Variants in AASS observed in about 807,000 individuals in gnomAD.
AASS encodes alpha-aminoadipic semialdehyde synthase, mitochondrial.
AASS carries 86 observed loss-of-function variants against 105.4 expected under a neutral mutation model. The observed-to-expected ratio is 0.82, with a 90% CI of 0.69 to 0.98. The LOEUF (loss-of-function observed/expected upper bound fraction) is 0.98, where lower values mean the gene tolerates loss of function less well. AASS is among the 50% of genes least tolerant of loss of function. The pLI, the probability that AASS is intolerant of heterozygous loss-of-function variation, is 0.00. For synonymous variants in AASS, 381 were observed against 394.8 expected (o/e 0.96, Z 0.41); for missense variants, 1,048 against 1,143.2 (o/e 0.92, Z 1.20).
Position 122,092,940 on chromosome 7 carries a change from G to C in AASS, c.1778C>G (p.Ala593Gly). Residue 593 changes from alanine (A) to glycine (G), a missense_variant, in exon 17 of 24, where the codon GCT (alanine) becomes GGT (glycine). Physicochemically the swap from Ala to Gly is moderately conservative, Grantham distance 60. Coordinates refer to ENST00000417368, the MANE Select transcript of AASS (RefSeq NM_005763.4). ...LKELEKSVED[A>G]GITIIGELGL... ...CAATTCACCAATGATTGTGATGCCA[G>C]CATCTTCCACACTGCAGCAGGTGGA... The C allele has an allele frequency of 6.2e-7, 1 of 1,613,816 alleles. No individual in the cohort carries two copies. The highest frequency in any genetic ancestry group is 8.5e-7 in the Non-Finnish European group (1 of 1,179,818).
Position 122,073,845 on chromosome 7 carries a change from A to T in AASS, c.*2644T>A, listed in dbSNP as rs900249538. Among the ~76,000 whole-genome samples the T allele has an allele frequency of 4.6e-5, 7 of 152,162 alleles. No individual in the cohort carries two copies. The highest frequency in any genetic ancestry group is 1.7e-4 in the African/African-American group (7 of 41,440). On this transcript the variant is annotated 3_prime_UTR_variant, in exon 24 of 24. Coordinates refer to ENST00000417368, the MANE Select transcript of AASS (RefSeq NM_005763.4). The stretch of plus-strand genomic sequence containing the variant: ...GAAATCATATAATATGTGGCCTTTC[A>T]TGTCTGGCATTCTTCACTTGATATG...
At chr7:122,080,688 T>A (rs1454804309) in intron 20 of AASS, among the ~76,000 whole-genome samples, 1 of 152,236 alleles carries the variant, frequency 6.6e-6, no homozygotes, top group Admixed American at 6.5e-5. Flanking sequence ...GGGGTTATTA[T>A]ACATTGCATG....
rs147841329 is a variant in AASS, at chr7:122,104,695, T to C, written c.1279-3015A>G. ...TAGGAACAGAAAACCAAATACCACA[T>C]GTTCTCAGTTATAAGTGGGAGCTAA... On this transcript the variant is annotated intron_variant, in intron 11 of 23. Transcript: ENST00000417368. 7.6e-3 allele frequency among the ~76,000 whole-genome samples: 1,160 copies of C among 152,210 alleles called. 11 individuals are homozygous for C. The highest frequency in any genetic ancestry group is 0.026 in the African/African-American group (1,092 of 41,544).
Position 122,118,359 on chromosome 7 carries a change from T to A in AASS, c.635A>T (p.Lys212Met). Residue 212 changes from lysine to methionine, a missense_variant, in exon 6 of 24, where the codon AAG becomes ATG. Transcript: ENST00000417368. ...GYEISLGLMP[K>M]SIGPLTFVFT... ...CACAAATGTTAAGGGTCCTATTGACTTAGGCATCAAACCCAAAGATATTTC... is the reference window on the plus strand; with the variant it reads ...CACAAATGTTAAGGGTCCTATTGACATAGGCATCAAACCCAAAGATATTTC... 6.2e-7 allele frequency: 1 copy of A among 1,614,188 alleles called. No homozygotes were observed.
intron 9 of AASS, 89 bp from the exon 10 acceptor site, chr7:122,113,809 A>T: frequency 6.9e-7 from 1 of 1,448,700 alleles, no homozygotes. Context: ...ACAATTTTCA[A>T]TGTGGATCCC....
At chr7:122,103,205 C>T (rs1424571990) in intron 11 of AASS, among the ~76,000 whole-genome samples, 1 of 151,880 alleles carries the variant, frequency 6.6e-6, no homozygotes, top group Admixed American at 6.6e-5. Flanking sequence ...ATATTAAAAG[C>T]AGCAAGATAA....
rs1365192989 is a variant in AASS, at chr7:122,113,630, C to T, written c.1134G>A (p.Met378Ile). The change falls in exon 10 of 24, where the codon ATG (methionine) becomes ATA (isoleucine). Residue 378 changes from methionine (M) to isoleucine (I), a missense_variant. By Grantham distance (10) the Met-to-Ile change is conservative. Coordinates refer to ENST00000417368, the MANE Select transcript of AASS (RefSeq NM_005763.4). ...GAATAATATGCTGGTCTGCATCATA[C>T]ATGCAAAAGGGATGCTCTATTGTTG... ...ECTTIEHPFC[M>I]YDADQHIIHD... 1 of 1,613,518 alleles carries T rather than the reference C, an allele frequency of 6.2e-7. No individual in the cohort carries two copies. Among genetic ancestry groups the T allele is most frequent in the African/African-American group, 1.3e-5 (1 of 74,880 alleles).
intron 11 of AASS, among the ~76,000 whole-genome samples, chr7:122,108,758 GA>G (rs1445450683): frequency 3.3e-5 from 5 of 151,810 alleles, no homozygotes; most frequent in Admixed American, 2.6e-4. Context: ...CTAAGATATG[GA>G]ACAAGAAAAG....
chr7:122,076,510 T>C lies in AASS; in HGVS notation c.2760A>G (p.Thr920=). 6.2e-7 allele frequency: 1 copy of C among 1,611,756 alleles called. No homozygotes were observed. The highest frequency in any genetic ancestry group is 8.5e-7 in the Non-Finnish European group (1 of 1,177,850). The change falls in exon 24 of 24, where the codon ACA becomes ACG. Residue 920 remains threonine, a synonymous_variant. Transcript: ENST00000417368. ...CCAATTATGGTTTAATTGTACTCTG[T>C]GTAGTATATATAATGCCTTCTGCTT... The part of the protein sequence containing the change: ...RIKAEGIIYT[T]QSTIKP
intron 1 of AASS, among the ~76,000 whole-genome samples, chr7:122,138,069 G>C (rs60785177): frequency 6.6e-6 from 1 of 152,302 alleles, no homozygotes; most frequent in South Asian, 2.1e-4. Flanking sequence ...AATTGTAACA[G>C]TCTTCCCTTT....
intron 11 of AASS, among the ~76,000 whole-genome samples, chr7:122,103,702 C>T (rs557886772): frequency 2.5e-3 from 377 of 151,694 alleles, no homozygotes; most frequent in Non-Finnish European, 3.4e-3. Flanking sequence ...AAAATTGTGA[C>T]ATCAAAAAAT....
In AASS at chr7:122,076,508, T is replaced by C. The variant is rs140285200; in HGVS notation, c.2762A>G (p.Gln921Arg). The change falls in exon 24 of 24, where the codon CAG becomes CGG. Residue 921 changes from glutamine (Q) to arginine (R), a missense_variant. Coordinates refer to ENST00000417368, the MANE Select transcript of AASS (RefSeq NM_005763.4). ...IKAEGIIYTT[Q>R]STIKP Reference sequence around the variant, plus strand: ...TCCCAATTATGGTTTAATTGTACTCTGTGTAGTATATATAATGCCTTCTGC... The same window carrying C: ...TCCCAATTATGGTTTAATTGTACTCCGTGTAGTATATATAATGCCTTCTGC... 595 of 1,611,684 alleles carry C rather than the reference T, an allele frequency of 3.7e-4. 1 individual carries two copies. The highest frequency in any genetic ancestry group is 9.5e-4 in the Admixed American group (57 of 60,022).
At chr7:122,080,254 G>A (rs1453539356) in intron 20 of AASS, among the ~76,000 whole-genome samples, 1 of 152,162 alleles carries the variant, frequency 6.6e-6, no homozygotes, top group Non-Finnish European at 1.5e-5. Context: ...GAAAAGCTAT[G>A]CTCTAGATCA....
rs73442822 is a variant in AASS, at chr7:122,091,541, T to C, written c.2016+162A>G. ...TTTGCTAGGAACAGCAAGGATACCGTGCTAAATAGAACAGAAAATATACAC... is the reference window on the plus strand; with the variant it reads ...TTTGCTAGGAACAGCAAGGATACCGCGCTAAATAGAACAGAAAATATACAC... On this transcript the variant is annotated intron_variant, in intron 18 of 23. Coordinates refer to ENST00000417368, the MANE Select transcript of AASS (RefSeq NM_005763.4). Among the ~76,000 whole-genome samples, 696 of 152,224 alleles carry C rather than the reference T, an allele frequency of 4.6e-3. 7 individuals are homozygous for C. Among genetic ancestry groups the C allele is most frequent in the African/African-American group, 0.016 (660 of 41,548 alleles).
In AASS at chr7:122,113,119, A is replaced by G. The variant is rs1258371324; in HGVS notation, c.1277T>C (p.Met426Thr). Residue 426 changes from methionine to threonine, a missense_variant and splice_region_variant, in exon 11 of 24, where the codon ATG becomes ACG. Physicochemically the swap from Met to Thr is moderately conservative, Grantham distance 81. Coordinates refer to ENST00000417368, the MANE Select transcript of AASS (RefSeq NM_005763.4). ...GDMLYPYVEE[M>T]ILSDATQPLE... The stretch of plus-strand genomic sequence containing the variant: ...TACTGATATTACCAGTCTGCTTACC[A>G]TTTCTTCAACATAAGGGTAAAGCAT... 1.9e-6 allele frequency: 3 copies of G among 1,612,308 alleles called. No individual in the cohort carries two copies. The highest frequency in any genetic ancestry group is 2.5e-6 in the Non-Finnish European group (3 of 1,178,390).
At position 122,115,145 on chromosome 7, in the gene AASS, A is replaced by G. The variant is rs1486251881; in HGVS notation, c.972T>C (p.Asp324=). ...QNTPRLLTRQ[D]AQSLLAPGKF... ...TGCCCGGAGCCAGGAGACTCTGAGC[A>G]TCTTGGCGGGTTAGGAGGCGAGGAG... The change falls in exon 9 of 24, where the codon GAT becomes GAC. Residue 324 remains aspartate (D), a synonymous_variant. Coordinates refer to ENST00000417368, the MANE Select transcript of AASS (RefSeq NM_005763.4). 6.2e-7 allele frequency: 1 copy of G among 1,614,188 alleles called. No homozygotes were observed. Among genetic ancestry groups the G allele is most frequent in the Non-Finnish European group, 8.5e-7 (1 of 1,180,032 alleles).
At chr7:122,079,065 A>C (rs1455571955) in intron 21 of AASS, 115 bp from the exon 22 acceptor site, 2 of 1,590,116 alleles carry the variant, frequency 1.3e-6, no homozygotes, top group African/African-American at 1.3e-5. Flanking sequence ...CAAGGTGGTA[A>C]CTCAAGTTGT....
chr7:122,112,267 C>T (rs886287356), intron 11 of AASS, among the ~76,000 whole-genome samples: 4 of 152,200 alleles, frequency 2.6e-5, no homozygotes, highest in African/African-American at 9.7e-5. Context: ...ACACTTCCTG[C>T]ACCTAGTAGG....
intron 15 of AASS, among the ~76,000 whole-genome samples, chr7:122,093,415 G>A (rs951115424): frequency 1.4e-4 from 22 of 152,256 alleles, no homozygotes; most frequent in African/African-American, 5.3e-4. Context: ...TCTATCCAAA[G>A]GAAAATAGAT....
Sources: gnomAD v4.1 joint callset for allele counts (sites outside exome capture counted in the v4.1 genomes callset) on GRCh38, gnomAD v4.1.1 for gene constraint, MANE v1.5 for transcripts, NCBI Gene and HGNC (gene_info 2026-07-23, HGNC 2026-07-21) for gene names.